The following AGBL1 variants were observed in gnomAD, a reference collection of about 807,000 sequenced individuals.
AGBL1 encodes the protein AGBL carboxypeptidase 1, also known as cytosolic carboxypeptidase 4.
A neutral mutation model predicts 118.9 loss-of-function variants in AGBL1; 130 were observed. The ratio of observed to expected loss-of-function variants is 1.09; its 90% CI spans 0.95 to 1.26. The LOEUF (loss-of-function observed/expected upper bound fraction) is 1.26, where lower values mean the gene tolerates loss of function less well. Among genes scored for constraint, AGBL1 ranks in the 50% most tolerant of loss-of-function variants. The pLI is 0.00. For synonymous variants in AGBL1, 555 were observed against 478.9 expected (o/e 1.16, Z -2.08); for missense variants, 1,584 against 1,298.1 (o/e 1.22, Z -3.38).
intron 24 of AGBL1, among the ~76,000 whole-genome samples, chr15:87,025,371 C>A (rs1056489800): frequency 1.3e-5 from 2 of 151,658 alleles, no homozygotes; most frequent in Non-Finnish European, 2.9e-5. Context: ...GAACTCAACC[C>A]CTTTTAAAAT....
chr15:86,755,824 T>C (rs1452529854), intron 22 of AGBL1, among the ~76,000 whole-genome samples: 2 of 152,128 alleles, frequency 1.3e-5, no homozygotes, highest in Non-Finnish European at 2.9e-5. Flanking sequence ...GCACAGGACA[T>C]CTTGCTTCAC....
At chr15:86,211,564 G>A (rs2078098976) in intron 5 of AGBL1, among the ~76,000 whole-genome samples, 1 of 152,198 alleles carries the variant, frequency 6.6e-6, no homozygotes, top group African/African-American at 2.4e-5. Flanking sequence ...CCCTCCTCCT[G>A]CAAGGCTGCT....
intron 21 of AGBL1, among the ~76,000 whole-genome samples, chr15:86,607,538 A>G (rs2084594810): frequency 6.6e-6 from 1 of 152,192 alleles, no homozygotes; most frequent in Non-Finnish European, 1.5e-5. Context: ...CATTCCCAGC[A>G]GCAATGAGTG....
chr15:86,957,658 C>T (rs577453014), intron 23 of AGBL1, among the ~76,000 whole-genome samples: 2 of 152,018 alleles, frequency 1.3e-5, no homozygotes, highest in Non-Finnish European at 2.9e-5. Flanking sequence ...TTTGAATGAT[C>T]TTTCAGAGTA....
At chr15:86,567,114 T>G (rs534990569) in intron 21 of AGBL1, among the ~76,000 whole-genome samples, 96 of 152,340 alleles carry the variant, frequency 6.3e-4, no homozygotes, top group African/African-American at 2.3e-3. Flanking sequence ...TCTTTTTCTA[T>G]TTTAGATAAA....
At chr15:86,414,637 T>C (rs2081665532) in intron 18 of AGBL1, among the ~76,000 whole-genome samples, 3 of 152,222 alleles carry the variant, frequency 2.0e-5, no homozygotes, top group Admixed American at 6.5e-5. Flanking sequence ...CATTAAAATA[T>C]TAACATGCAT....
At chr15:86,475,543 G>A (rs184484953) in intron 18 of AGBL1, among the ~76,000 whole-genome samples, 81 of 152,286 alleles carry the variant, frequency 5.3e-4, no homozygotes, top group African/African-American at 1.9e-3. Flanking sequence ...AAAAAGAAAT[G>A]CAAAAAGCCT....
At chr15:86,153,990 C>G (rs1336205578) in intron 3 of AGBL1, among the ~76,000 whole-genome samples, 1 of 152,128 alleles carries the variant, frequency 6.6e-6, no homozygotes, top group Non-Finnish European at 1.5e-5. Context: ...ATTCCAATTT[C>G]TCCAAATGTT....
intron 22 of AGBL1, among the ~76,000 whole-genome samples, chr15:86,739,749 T>C (rs1037698616): frequency 6.6e-6 from 1 of 152,134 alleles, no homozygotes; most frequent in African/African-American, 2.4e-5. Flanking sequence ...TTCAAAACCC[T>C]AATGCACTGG....
chr15:86,580,295 A>C (rs1416287402), intron 21 of AGBL1, among the ~76,000 whole-genome samples: 1 of 152,160 alleles, frequency 6.6e-6, no homozygotes, highest in African/African-American at 2.4e-5. Flanking sequence ...ACTTGCTATA[A>C]ATGCAGATTT....
At chr15:86,143,641 C>T (rs1567082674) in intron 2 of AGBL1, 58 bp from the exon 3 acceptor site, 4 of 1,588,486 alleles carry the variant, frequency 2.5e-6, no homozygotes, top group Non-Finnish European at 3.4e-6. Flanking sequence ...CTGTCTTCTG[C>T]TCCAAGGAAA....
chr15:86,520,619 A>G (rs2083176388), intron 18 of AGBL1, among the ~76,000 whole-genome samples: 1 of 152,200 alleles, frequency 6.6e-6, no homozygotes, highest in Admixed American at 6.5e-5. Flanking sequence ...TTCATACAGA[A>G]TTGCTGGCTG....
chr15:86,893,164 G>A (rs185858781), intron 22 of AGBL1, among the ~76,000 whole-genome samples: 1 of 152,242 alleles, frequency 6.6e-6, no homozygotes, highest in Admixed American at 6.5e-5. Context: ...GACATTCGGT[G>A]GAGCTCAGCT....
intron 22 of AGBL1, among the ~76,000 whole-genome samples, chr15:86,692,609 A>T (rs551999206): frequency 2.8e-4 from 43 of 151,830 alleles, no homozygotes; most frequent in African/African-American, 5.3e-4. Context: ...CTTCTTTCAA[A>T]TTTTTTTTTA....
intron 17 of AGBL1, among the ~76,000 whole-genome samples, chr15:86,382,671 AATT>A (rs1034430096): frequency 4.6e-5 from 7 of 151,590 alleles, no homozygotes; most frequent in African/African-American, 1.2e-4. Flanking sequence ...TAATAATAAT[AATT>A]ATTATTATTC....
chr15:86,199,539 G>A (rs1194557639), intron 5 of AGBL1, among the ~76,000 whole-genome samples: 2 of 152,180 alleles, frequency 1.3e-5, no homozygotes, highest in Non-Finnish European at 2.9e-5. Context: ...TCTGGTCCTC[G>A]TGCACCTGAA....
intron 5 of AGBL1, among the ~76,000 whole-genome samples, chr15:86,168,697 G>A (rs72750301): frequency 0.13 from 19,230 of 152,180 alleles, 1,304 homozygotes; most frequent in Middle Eastern, 0.22. Context: ...ACTAGAAAAA[G>A]TAAGTCTCAA....
At chr15:86,556,395 A>G (rs2083734712) in intron 21 of AGBL1, 2 of 932,764 alleles carry the variant, frequency 2.1e-6, no homozygotes, top group African/African-American at 3.3e-5. Flanking sequence ...ACAGTGCCAG[A>G]CCTGGTTTTG....
chr15:86,842,516 T>A (rs2079259663), intron 22 of AGBL1, among the ~76,000 whole-genome samples: 1 of 152,164 alleles, frequency 6.6e-6, no homozygotes, highest in Non-Finnish European at 1.5e-5. Flanking sequence ...AGAAACTGGC[T>A]GGCAGGAAAA....
Sources: gnomAD v4.1 joint callset for allele counts (sites outside exome capture counted in the v4.1 genomes callset) on GRCh38, gnomAD v4.1.1 for gene constraint, MANE v1.5 for transcripts, NCBI Gene and HGNC (gene_info 2026-07-23, HGNC 2026-07-21) for gene names.